TPCN1: variants seen among roughly 807,000 people sequenced by gnomAD.
The protein encoded by TPCN1 is two pore segment channel 1.
A neutral mutation model predicts 108.8 loss-of-function variants in TPCN1; 52 were observed. The ratio of observed to expected loss-of-function variants is 0.48; its 90% CI spans 0.38 to 0.60. The LOEUF is 0.60. Among genes scored for constraint, TPCN1 ranks in the 20% least tolerant of loss-of-function variants. The pLI is 0.00. For synonymous variants in TPCN1, 446 were observed against 433.7 expected, an observed-to-expected ratio of 1.03 and a Z score of -0.35; for missense variants, 806 against 1,072.8, an observed-to-expected ratio of 0.75 and a Z score of 3.47.
In TPCN1 at chr12:113,272,690, C is replaced by A; in HGVS notation, c.781C>A (p.Pro261Thr). The change falls in exon 8 of 28, where the codon CCC becomes ACC. Residue 261 changes from proline to threonine, a missense_variant and splice_region_variant. Physicochemically the swap from Pro to Thr is conservative, Grantham distance 38 (BLOSUM62 -1). Transcript: ENST00000335509. This position sits in a 1 kb window ranked among gnomAD's most constrained non-coding sequence, Gnocchi z 4.1. ...FYLFSPNPSD[P>T]YFSTLENSIV... is the part of the protein sequence containing the mutation. ...CTTGTTCTCCCCTAACCCTTCAGAC[C>A]CCGTAAGTAATCAGCACATTTGTCC... 1.2e-6 allele frequency: 2 copies of A among 1,613,376 alleles called. No individual in the cohort carries two copies. The highest frequency in any genetic ancestry group is 1.7e-5 in the Admixed American group (1 of 60,026).
intron 7 of TPCN1, among the ~76,000 whole-genome samples, chr12:113,270,987 G>T (rs1166157609): frequency 6.6e-6 from 1 of 152,162 alleles, no homozygotes; most frequent in Non-Finnish European, 1.5e-5. Flanking sequence ...GCCAGGCATG[G>T]TGTCCCACGC....
rs1956288671 is a variant in TPCN1 at position 113,292,090 on chromosome 12, C to T, written c.2113+132C>T. The T allele has an allele frequency of 1.5e-5, 11 of 734,500 alleles. 1 individual carries two copies. The highest frequency in any genetic ancestry group is 1.2e-4 in the South Asian group (8 of 65,430). 45.5% of individuals were successfully genotyped at this position (734,500 alleles called of 1,614,324 possible). On this transcript the variant is annotated intron_variant, in intron 25 of 27. Coordinates refer to ENST00000335509, the MANE Select transcript of TPCN1 (RefSeq NM_017901.6). Reference sequence around the variant, plus strand: ...CTGTCTGGCTGTCCAGCTTATCTATCTGGCTTGTCTTTCTAGATCTTGTAT... The same window carrying T: ...CTGTCTGGCTGTCCAGCTTATCTATTTGGCTTGTCTTTCTAGATCTTGTAT...
At chr12:113,249,809 G>A (rs1259105110) in intron 2 of TPCN1, 1 of 152,278 alleles carries the variant, frequency 6.6e-6, no homozygotes, top group Non-Finnish European at 1.5e-5. Context: ...TGCAGACCAT[G>A]TGGAATGACA....
intron 2 of TPCN1, among the ~76,000 whole-genome samples, chr12:113,238,614 A>G (rs2136466169): frequency 6.6e-6 from 1 of 152,326 alleles, no homozygotes; most frequent in South Asian, 2.1e-4. Flanking sequence ...TATTTAGCTG[A>G]AGGCCTTGAG....
chr12:113,261,138 C>G (rs1007812432), intron 3 of TPCN1, among the ~76,000 whole-genome samples: 1 of 152,012 alleles, frequency 6.6e-6, no homozygotes, highest in African/African-American at 2.4e-5. Context: ...GAGCCGAGAT[C>G]GCACCACTGC....
chr12:113,256,194 TATTGATTG>T (rs1414763111), intron 2 of TPCN1, among the ~76,000 whole-genome samples: 1 of 152,054 alleles, frequency 6.6e-6, no homozygotes, highest in Non-Finnish European at 1.5e-5. Flanking sequence ...GCTAGGTTTC[TATTGATTG>T]ATTGATTGAT....
chr12:113,280,939 G>C (rs1955866335), intron 15 of TPCN1, among the ~76,000 whole-genome samples: 1 of 152,136 alleles, frequency 6.6e-6, no homozygotes, highest in Non-Finnish European at 1.5e-5. Flanking sequence ...TTTTTTTAAA[G>C]ATAAACTGTT....
chr12:113,250,845 A>G (rs1196096813), intron 2 of TPCN1, among the ~76,000 whole-genome samples: 2 of 152,082 alleles, frequency 1.3e-5, no homozygotes, highest in East Asian at 3.9e-4. Flanking sequence ...GTGTTGGTGC[A>G]TGCCCAGCTA....
At chr12:113,277,188 C>G in intron 11 of TPCN1, 52 bp from the exon 12 acceptor site, 1 of 1,609,774 alleles carries the variant, frequency 6.2e-7, no homozygotes, top group Non-Finnish European at 8.5e-7. Flanking sequence ...AGTGGGTGCC[C>G]CAAGGGAAGG....
chr12:113,290,508 G>A (rs1305825623), intron 22 of TPCN1, among the ~76,000 whole-genome samples: 1 of 152,152 alleles, frequency 6.6e-6, no homozygotes, highest in Non-Finnish European at 1.5e-5. Context: ...TTAGCTGGGC[G>A]GGGTCCCCTC....
Position 113,290,992 on chromosome 12 carries a change from C to T in TPCN1, c.1953C>T (p.Ile651=). ...TCACAGTTGTCAACAACTGGTACAT[C>T]ATCATGGTAAGAGCTCGGGCAGCTC... ...FELTVVNNWY[I]IMEGVTSQTS... The change falls in exon 23 of 28, where the codon ATC becomes ATT. Residue 651 remains isoleucine, a synonymous_variant. Transcript: ENST00000335509. 1 of 1,613,780 alleles carries T rather than the reference C, an allele frequency of 6.2e-7. No homozygotes were observed. Among genetic ancestry groups the T allele is most frequent in the Non-Finnish European group, 8.5e-7 (1 of 1,179,984 alleles).
intron 2 of TPCN1, among the ~76,000 whole-genome samples, chr12:113,259,039 C>A (rs145595435): frequency 6.7e-5 from 10 of 149,986 alleles, no homozygotes; most frequent in Non-Finnish European, 1.2e-4. Flanking sequence ...AGTAGTGATG[C>A]GATTTTGGCT....
intron 12 of TPCN1, 111 bp from the exon 13 acceptor site, chr12:113,278,078 T>G: frequency 4.6e-6 from 4 of 862,200 alleles, no homozygotes; most frequent in Non-Finnish European, 7.7e-6. Flanking sequence ...TGGTGTCCCC[T>G]CTCTTCCTCC....
intron 1 of TPCN1, among the ~76,000 whole-genome samples, chr12:113,226,093 T>A (rs539201476): frequency 1.3e-3 from 192 of 151,274 alleles, no homozygotes; most frequent in African/African-American, 3.4e-3. Context: ...TTTTTTTTTT[T>A]AATTTTTTAT....
intron 14 of TPCN1, 48 bp from the exon 15 acceptor site, chr12:113,280,103 G>A (rs1299587406): frequency 1.4e-6 from 2 of 1,422,154 alleles, no homozygotes; most frequent in South Asian, 1.2e-5. Context: ...TACAGTAGGG[G>A]GAACAAGTGC....
intron 19 of TPCN1, among the ~76,000 whole-genome samples, chr12:113,287,823 G>A (rs945190202): frequency 5.9e-5 from 9 of 152,212 alleles, no homozygotes; most frequent in African/African-American, 1.2e-4. Context: ...CCCGCTCCCC[G>A]GGGCACATGG....
At chr12:113,224,774 T>C (rs1377552945) in intron 1 of TPCN1, among the ~76,000 whole-genome samples, 1 of 150,356 alleles carries the variant, frequency 6.7e-6, no homozygotes, top group Non-Finnish European at 1.5e-5. Context: ...TTATTTGAGG[T>C]GGAATCTGGC....
chr12:113,266,323 C>T lies in TPCN1; in HGVS notation c.381C>T (p.Ala127=). Residue 127 remains alanine, a synonymous_variant, in exon 4 of 28, where the codon GCC becomes GCT. Transcript: ENST00000335509. This position sits in a 1 kb window ranked among gnomAD's most constrained non-coding sequence, Gnocchi z 4.2. ...TGCTGCTGCTCTCCCTGTGCGAGGC[C>T]CCCGCCGTCCCCGCACTCCGGCTTG... The part of the protein sequence containing the change: ...LLLLLLSLCE[A]PAVPALRLGI... The T allele has an allele frequency of 6.2e-7, 1 of 1,610,222 alleles. No individual in the cohort carries two copies. The highest frequency in any genetic ancestry group is 8.5e-7 in the Non-Finnish European group (1 of 1,179,998).
chr12:113,281,057 C>CT (rs928202646), intron 15 of TPCN1, among the ~76,000 whole-genome samples: 182 of 148,784 alleles, frequency 1.2e-3, no homozygotes, highest in African/African-American at 3.9e-3. Flanking sequence ...ATTCTCAATC[C>CT]TTTTTTTTTT....
Sources: allele counts gnomAD v4.1 joint callset (sites outside exome capture counted in the v4.1 genomes callset), GRCh38; gene constraint gnomAD v4.1.1; non-coding constraint Gnocchi (gnomAD v3.1); transcripts MANE v1.5; gene names NCBI Gene and HGNC (gene_info 2026-07-23, HGNC 2026-07-21).